Variants in UBE4B observed in about 807,000 individuals in gnomAD.
UBE4B encodes ubiquitination factor E4B, also known as ubiquitin conjugation factor E4 B.
In UBE4B, 27 loss-of-function variants were observed where a neutral mutation model predicts 148.1. The observed-to-expected ratio is 0.18, with a 90% CI of 0.13 to 0.25. UBE4B has a LOEUF of 0.25. Among genes scored for constraint, UBE4B ranks in the 10% least tolerant of loss-of-function variants. The pLI is 1.00. For synonymous variants in UBE4B, 596 were observed against 619.3 expected (o/e 0.96, Z 0.56); for missense variants, 1,170 against 1,662.4 (o/e 0.70, Z 5.15).
chr1:10,170,125 T>G lies in UBE4B; in HGVS notation c.3334-1013T>G, dbSNP rs183600964. On this transcript the variant is annotated intron_variant, in intron 24 of 27. Transcript: ENST00000343090. The stretch of plus-strand genomic sequence containing the variant: ...CTGTGCCTGCTGTGATGTTTTCATT[T>G]CCTTTGCTACACTATTTACTATCTG... 2.6e-5 allele frequency among the ~76,000 whole-genome samples: 4 copies of G among 152,352 alleles called. No homozygotes were observed. In the East Asian group the frequency reaches 7.7e-4, roughly 29 times the overall value.
At chr1:10,148,622 ACT>A (rs1421405033) in intron 19 of UBE4B, among the ~76,000 whole-genome samples, 4 of 136,356 alleles carry the variant, frequency 2.9e-5, no homozygotes, top group Admixed American at 2.4e-4. Context: ...ACAGGGTGAG[ACT>A]CTGTCTCAAA....
chr1:10,046,585 G>T (rs554395175), intron 1 of UBE4B, among the ~76,000 whole-genome samples: 1 of 152,160 alleles, frequency 6.6e-6, no homozygotes, highest in African/African-American at 2.4e-5. Flanking sequence ...GTGAGGTTCT[G>T]ACCTCGCCTT....
At chr1:10,158,316 A>G in intron 21 of UBE4B, 40 bp from the exon 22 acceptor site, 1 of 1,601,078 alleles carries the variant, frequency 6.2e-7, no homozygotes, top group Non-Finnish European at 8.5e-7. Context: ...GGAAAGCAAG[A>G]AAATACATAT....
Position 10,132,416 on chromosome 1 carries a change from C to G in UBE4B, c.1959C>G (p.Thr653=). 1.2e-6 allele frequency: 2 copies of G among 1,614,120 alleles called. No individual in the cohort carries two copies. The highest frequency in any genetic ancestry group is 2.7e-5 in the African/African-American group (2 of 75,020). The change falls in exon 15 of 28, where the codon ACC becomes ACG. Residue 653 remains threonine (T), a synonymous_variant. Transcript: ENST00000343090. ...ATAGTATTTTGTTAAATGGCGAAAC[C>G]CGTGAGGCTGCTCTCAGTTACATGG... The part of the protein sequence containing the change: ...ILHSILLNGE[T]REAALSYMAA...
intron 25 of UBE4B, among the ~76,000 whole-genome samples, chr1:10,172,922 A>G (rs1382459869): frequency 2.0e-5 from 3 of 152,178 alleles, no homozygotes; most frequent in African/African-American, 2.4e-5. Context: ...TTGTGTTACA[A>G]CTGCCGACAG....
intron 25 of UBE4B, among the ~76,000 whole-genome samples, chr1:10,171,665 A>C (rs965312863): frequency 4.6e-5 from 7 of 152,224 alleles, no homozygotes; most frequent in Non-Finnish European, 1.0e-4. Context: ...GCAGATCAAG[A>C]GGTCAGGAGT....
At chr1:10,117,335 G>A (rs946809271) in intron 7 of UBE4B, 124 bp from the exon 8 acceptor site, 16 of 1,235,598 alleles carry the variant, frequency 1.3e-5, no homozygotes, top group East Asian at 5.3e-5. Flanking sequence ...GATCTTGGCC[G>A]CATGGGTGTT....
chr1:10,075,865 G>A lies in UBE4B; in HGVS notation c.211+3651G>A, dbSNP rs558301654. ...CTAGGAGTTCGAGACCAGCCTGGGCGACATAGCAAAACCCCGTCTCTACAA... is the reference window on the plus strand; with the variant it reads ...CTAGGAGTTCGAGACCAGCCTGGGCAACATAGCAAAACCCCGTCTCTACAA... On this transcript the variant is annotated intron_variant, in intron 2 of 27. Coordinates refer to ENST00000343090, the MANE Select transcript of UBE4B (RefSeq NM_001105562.3). 2.6e-5 allele frequency among the ~76,000 whole-genome samples: 4 copies of A among 151,972 alleles called. No individual in the cohort carries two copies. In the South Asian group the frequency reaches 6.2e-4, roughly 24 times the overall value.
rs371255144 is a variant in UBE4B at position 10,111,000 on chromosome 1, T to TTCTCTCTGTC, written c.1196+4439_1196+4448dup. On this transcript the variant is annotated intron_variant, in intron 7 of 27. Coordinates refer to ENST00000343090, the MANE Select transcript of UBE4B (RefSeq NM_001105562.3). ...GATAGAGTGAAACCCTGTCCCTCTCTTCTCTCTGTCTCTCTCTGTCTCTCT... is the reference window on the plus strand; with the variant it reads ...GATAGAGTGAAACCCTGTCCCTCTCTTCTCTCTGTCTCTCTCTGTCTCTCTCTGTCTCTCT... 8.3e-4 allele frequency among the ~76,000 whole-genome samples: 121 copies of TTCTCTCTGTC among 146,664 alleles called. 1 individual carries two copies. The East Asian group carries it at 0.017, about 21-fold the overall frequency.
At chr1:10,042,627 A>T (rs573135095) in intron 1 of UBE4B, among the ~76,000 whole-genome samples, 57 of 152,360 alleles carry the variant, frequency 3.7e-4, no homozygotes, top group Non-Finnish European at 6.5e-4. Context: ...AGCCTGGGCG[A>T]CAGAGTGAGA....
chr1:10,135,735 C>CAA (rs33967541), intron 16 of UBE4B, among the ~76,000 whole-genome samples: 4,994 of 110,494 alleles, frequency 0.045, 243 homozygotes, highest in Admixed American at 0.085. Flanking sequence ...GACTCTGTCT[C>CAA]AAAAAAAAAA....
rs776718140 is a variant in UBE4B, at chr1:10,179,923, G to A, written c.3876G>A (p.Ala1292=). 22 of 1,614,040 alleles carry A rather than the reference G, an allele frequency of 1.4e-5. No individual in the cohort carries two copies. The highest frequency in any genetic ancestry group is 5.0e-5 in the Admixed American group (3 of 59,996). ...PVPELKEQIQ[A]WMREKQNSDH ...CAGAACTGAAAGAGCAGATTCAGGC[G>A]TGGATGAGAGAGAAACAGAACAGCG... is the stretch of plus-strand genomic sequence containing the variant. Residue 1292 remains alanine, a synonymous_variant, in exon 28 of 28, where the codon GCG becomes GCA. Transcript: ENST00000343090.
intron 2 of UBE4B, among the ~76,000 whole-genome samples, chr1:10,089,745 C>G (rs968721901): frequency 6.8e-6 from 1 of 148,012 alleles, no homozygotes; most frequent in Non-Finnish European, 1.5e-5. Flanking sequence ...TGTCTTCCAT[C>G]CTGGAGGGCA....
At chr1:10,100,471 C>T (rs1310645231) in intron 3 of UBE4B, among the ~76,000 whole-genome samples, 1 of 152,116 alleles carries the variant, frequency 6.6e-6, no homozygotes. Context: ...GGACCATAGG[C>T]GCATGCCAAT....
intron 2 of UBE4B, among the ~76,000 whole-genome samples, chr1:10,077,096 T>G (rs1181687267): frequency 6.6e-6 from 1 of 152,170 alleles, no homozygotes; most frequent in Non-Finnish European, 1.5e-5. Context: ...CTAGGGCTGC[T>G]GTAACAACCT....
Position 10,106,539 on chromosome 1 carries a change from C to T in UBE4B, c.1152C>T (p.Pro384=). Reference sequence around the variant, plus strand: ...GTCCACCCCTACCACCCGCCTCACCCAGTGCCACGAGCAGACGCCCCTCCT... The same window carrying T: ...GTCCACCCCTACCACCCGCCTCACCTAGTGCCACGAGCAGACGCCCCTCCT... ...STGPPLPPAS[P]SATSRRPSSL... The change falls in exon 7 of 28, where the codon CCC becomes CCT. Residue 384 remains proline (P), a synonymous_variant. Coordinates refer to ENST00000343090, the MANE Select transcript of UBE4B (RefSeq NM_001105562.3). The surrounding 1 kb of genome is among the most constrained non-coding windows in gnomAD (Gnocchi z 4.2). 6.2e-7 allele frequency: 1 copy of T among 1,600,116 alleles called. No individual in the cohort carries two copies. Among genetic ancestry groups the T allele is most frequent in the South Asian group, 1.1e-5 (1 of 89,756 alleles).
At chr1:10,091,143 T>C (rs1048132734) in intron 2 of UBE4B, among the ~76,000 whole-genome samples, 3 of 152,200 alleles carry the variant, frequency 2.0e-5, no homozygotes, top group Admixed American at 1.3e-4. Context: ...ATAGTTGATA[T>C]GTGGGGAGTT....
chr1:10,118,474 AT>A, intron 8 of UBE4B, among the ~76,000 whole-genome samples: 1 of 151,866 alleles, frequency 6.6e-6, no homozygotes, highest in South Asian at 2.1e-4. Flanking sequence ...AGTAGCTGGG[AT>A]TACAGGCACC....
intron 2 of UBE4B, among the ~76,000 whole-genome samples, chr1:10,079,512 G>C (rs1177484603): frequency 6.6e-6 from 1 of 152,098 alleles, no homozygotes; most frequent in Non-Finnish European, 1.5e-5. Context: ...CAATTATATA[G>C]GAATATAATT....
Sources: gnomAD v4.1 joint callset for allele counts (sites outside exome capture counted in the v4.1 genomes callset) on GRCh38, gnomAD v4.1.1 for gene constraint, Gnocchi (gnomAD v3.1) non-coding constraint, MANE v1.5 for transcripts, NCBI Gene and HGNC (gene_info 2026-07-23, HGNC 2026-07-21) for gene names.